Variants in DPYD observed in about 807,000 individuals in gnomAD.
DPYD encodes the protein dihydropyrimidine dehydrogenase [NADP(+)].
DPYD carries 109 observed loss-of-function variants against 116.2 expected under a neutral mutation model. The observed-to-expected ratio is 0.94, with a 90% CI of 0.80 to 1.10. The LOEUF is 1.10. Among genes scored for constraint, DPYD ranks in the 50% least tolerant of loss-of-function variants. The pLI is 0.00. For missense variants in DPYD, 1,302 were observed against 1,254.5 expected (o/e 1.04, Z -0.57); for synonymous variants, 440 against 432.0 (o/e 1.02, Z -0.23).
At chr1:97,828,916 G>A (rs1669386213) in intron 2 of DPYD, among the ~76,000 whole-genome samples, 1 of 151,902 alleles carries the variant, frequency 6.6e-6, no homozygotes, top group South Asian at 2.1e-4. Flanking sequence ...AGCAATACTA[G>A]ACTGAATTTT....
chr1:97,364,479 T>C (rs1202414641), intron 16 of DPYD, among the ~76,000 whole-genome samples: 2 of 152,200 alleles, frequency 1.3e-5, no homozygotes, highest in Non-Finnish European at 2.9e-5. Flanking sequence ...GTTTAAGACA[T>C]CTCAAAGACA....
chr1:97,767,758 T>C (rs1665943972), intron 3 of DPYD, among the ~76,000 whole-genome samples: 1 of 147,372 alleles, frequency 6.8e-6, no homozygotes, highest in Admixed American at 6.7e-5. Flanking sequence ...GGGCTGGCTT[T>C]TTTTTTTTTT....
intron 8 of DPYD, among the ~76,000 whole-genome samples, chr1:97,614,524 G>A (rs1434219273): frequency 6.6e-6 from 1 of 151,882 alleles, no homozygotes; most frequent in Non-Finnish European, 1.5e-5. Flanking sequence ...CCCTAGAAGG[G>A]GCTTAACAAG....
At chr1:97,502,336 G>A (rs1310139477) in intron 13 of DPYD, among the ~76,000 whole-genome samples, 2 of 151,950 alleles carry the variant, frequency 1.3e-5, no homozygotes, top group Non-Finnish European at 2.9e-5. Flanking sequence ...CTTTTTGAAT[G>A]TAAGGGCCTG....
chr1:97,313,059 G>A (rs1204504911), intron 16 of DPYD, among the ~76,000 whole-genome samples: 1 of 151,864 alleles, frequency 6.6e-6, no homozygotes, highest in Non-Finnish European at 1.5e-5. Flanking sequence ...GAGTCTGCAA[G>A]GAAATGCAAA....
intron 3 of DPYD, among the ~76,000 whole-genome samples, chr1:97,774,473 C>T (rs1666297729): frequency 6.6e-6 from 1 of 152,176 alleles, no homozygotes; most frequent in African/African-American, 2.4e-5. Flanking sequence ...ATGAGCATTT[C>T]ACTCAGCTGC....
intron 2 of DPYD, among the ~76,000 whole-genome samples, chr1:97,835,431 T>C (rs571870276): frequency 6.6e-5 from 10 of 152,234 alleles, no homozygotes; most frequent in African/African-American, 2.4e-4. Context: ...TCTGCCTTCA[T>C]AGTCTGAAAG....
intron 12 of DPYD, among the ~76,000 whole-genome samples, chr1:97,521,574 G>A (rs546369484): frequency 2.6e-4 from 40 of 151,910 alleles, no homozygotes; most frequent in Non-Finnish European, 4.4e-4. Flanking sequence ...ATTTCATATG[G>A]AACCAAAAAA....
At chr1:97,806,872 T>C (rs777815061) in intron 3 of DPYD, among the ~76,000 whole-genome samples, 33 of 151,972 alleles carry the variant, frequency 2.2e-4, no homozygotes, top group Non-Finnish European at 4.0e-4. Flanking sequence ...TGTCTTTTAG[T>C]TTTGCCTTTT....
chr1:97,080,573 C>T (rs541700423), intron 22 of DPYD, among the ~76,000 whole-genome samples: 82 of 152,220 alleles, frequency 5.4e-4, no homozygotes, highest in African/African-American at 1.9e-3. Context: ...ATGAGAATAT[C>T]TGTCCACACA....
intron 8 of DPYD, among the ~76,000 whole-genome samples, chr1:97,633,790 T>A (rs558099048): frequency 2.0e-5 from 3 of 152,188 alleles, no homozygotes; most frequent in East Asian, 3.9e-4. Context: ...CTTCAAGGGA[T>A]GATTAACTCA....
At chr1:97,712,415 C>T (rs939777446) in intron 5 of DPYD, among the ~76,000 whole-genome samples, 1 of 151,774 alleles carries the variant, frequency 6.6e-6, no homozygotes, top group Non-Finnish European at 1.5e-5. Context: ...ATTAAACTCA[C>T]CGTTGATTTT....
At chr1:97,825,028 C>T (rs1413498212) in intron 3 of DPYD, among the ~76,000 whole-genome samples, 1 of 152,166 alleles carries the variant, frequency 6.6e-6, no homozygotes, top group African/African-American at 2.4e-5. Flanking sequence ...AAACCCAAAT[C>T]TTCACTAATC....
intron 16 of DPYD, among the ~76,000 whole-genome samples, chr1:97,364,658 A>G (rs749853396): frequency 5.9e-5 from 9 of 152,176 alleles, no homozygotes; most frequent in Non-Finnish European, 1.3e-4. Context: ...CAATATAAAC[A>G]ATGTCAAGAG....
chr1:97,247,845 A>G lies in DPYD; in HGVS notation c.2300-12851T>C, dbSNP rs544298598. Among the ~76,000 whole-genome samples, 14 of 152,338 alleles carry G rather than the reference A, an allele frequency of 9.2e-5. No homozygotes were observed. In the East Asian group the frequency reaches 2.3e-3, roughly 25 times the overall value. On this transcript the variant is annotated intron_variant, in intron 18 of 22. Coordinates refer to ENST00000370192, the MANE Select transcript of DPYD (RefSeq NM_000110.4). Reference sequence around the variant, plus strand: ...CAAAATTAAAAATAGATCCATAACTATTGCACAAGTTGAATTCATAATAAA... The same window carrying G: ...CAAAATTAAAAATAGATCCATAACTGTTGCACAAGTTGAATTCATAATAAA...
rs757789431 is a variant in DPYD at position 97,593,435 on chromosome 1, T to G, written c.959-48A>C. 12 of 1,603,810 alleles carry G rather than the reference T, an allele frequency of 7.5e-6. No individual in the cohort carries two copies. The Admixed American group carries it at 2.0e-4, about 27-fold the overall frequency. On this transcript the variant is annotated intron_variant, in intron 9 of 22. Coordinates refer to ENST00000370192, the MANE Select transcript of DPYD (RefSeq NM_000110.4). ...CATTTTCAAGTAGAGAAACCATTTC[T>G]GCATGACAGCTCAAAAGATACTTGT...
intron 19 of DPYD, among the ~76,000 whole-genome samples, chr1:97,226,541 C>CA (rs1363704172): frequency 1.3e-5 from 2 of 152,026 alleles, no homozygotes; most frequent in Non-Finnish European, 2.9e-5. Context: ...CTGCAGGATA[C>CA]AAAATTCACA....
chr1:97,255,844 T>C (rs1458576846), intron 18 of DPYD, among the ~76,000 whole-genome samples: 1 of 151,960 alleles, frequency 6.6e-6, no homozygotes, highest in Non-Finnish European at 1.5e-5. Context: ...CTATGCTAGG[T>C]TGCTGACTTT....
intron 18 of DPYD, among the ~76,000 whole-genome samples, chr1:97,272,823 C>T (rs1664683910): frequency 6.6e-6 from 1 of 151,994 alleles, no homozygotes; most frequent in African/African-American, 2.4e-5. Flanking sequence ...ACAATCAGAA[C>T]CCTGAACTTT....
Sources: allele counts gnomAD v4.1 joint callset (sites outside exome capture counted in the v4.1 genomes callset), GRCh38; gene constraint gnomAD v4.1.1; transcripts MANE v1.5; gene names NCBI Gene and HGNC (gene_info 2026-07-23, HGNC 2026-07-21).